The following HINT1 variants were observed in gnomAD, a reference collection of about 807,000 sequenced individuals.
The protein encoded by HINT1 is adenosine 5'-monophosphoramidase HINT1.
HINT1 carries 12 observed loss-of-function variants against 11.2 expected under a neutral mutation model. That is an observed-to-expected ratio of 1.07 (90% CI 0.69 to 1.74). The LOEUF (loss-of-function observed/expected upper bound fraction) is 1.74, where lower values mean the gene tolerates loss of function less well. Among genes scored for constraint, HINT1 ranks in the 40% most tolerant of loss-of-function variants. HINT1 has a pLI of 0.00. For missense variants in HINT1, 150 were observed against 161.8 expected, an observed-to-expected ratio of 0.93 and a Z score of 0.40; for synonymous variants, 42 against 52.6, an observed-to-expected ratio of 0.80 and a Z score of 0.87.
chr5:131,160,663 AT>A (rs1580683200), intron 2 of HINT1: 1 of 1,179,678 alleles, frequency 8.5e-7, no homozygotes, highest in East Asian at 6.0e-5. Context: ...TACCTTACTC[AT>A]GCAGTAAGGT....
intron 2 of HINT1, 152 bp from the exon 3 acceptor site, chr5:131,159,763 G>C (rs1291560727): frequency 1.5e-6 from 1 of 646,562 alleles, no homozygotes; most frequent in South Asian, 2.2e-5. Flanking sequence ...TCCCAACAGA[G>C]CATAATCTAC....
rs755963156 is a variant in HINT1 at position 131,159,444 on chromosome 5, T to C, written c.*3A>G. 2 of 1,610,264 alleles carry C rather than the reference T, an allele frequency of 1.2e-6. No homozygotes were observed. Among genetic ancestry groups the C allele is most frequent in the Admixed American group, 3.4e-5 (2 of 59,262 alleles). ...AGAAGAGAAAATTATCCCCAAAACG[T>C]GCTTAACCAGGAGGCCAATGCATTT... On this transcript the variant is annotated 3_prime_UTR_variant, in exon 3 of 3. Coordinates refer to ENST00000304043, the MANE Select transcript of HINT1 (RefSeq NM_005340.7).
chr5:131,162,788 T>C, intron 1 of HINT1, 112 bp from the exon 2 acceptor site: 1 of 667,052 alleles, frequency 1.5e-6, no homozygotes, highest in Non-Finnish European at 2.6e-6. Context: ...CACTAGATGC[T>C]AAGAAAACAG....
chr5:131,160,949 G>GT lies in HINT1; in HGVS notation c.217-1339dup, dbSNP rs1254277677. 7.6e-6 allele frequency: 3 copies of GT among 394,794 alleles called. No individual in the cohort carries two copies. In the Admixed American group the frequency reaches 8.7e-5, roughly 11 times the overall value. The allele number at this position is 394,794 out of a possible 1,614,324, so 24.5% of individuals were successfully genotyped here. ...AGACTAGGCTAGGCTATAATGTTCA[G>GT]TAAGTTAGGTGTCTTACACGCATTT... On this transcript the variant is annotated intron_variant, in intron 2 of 2. Transcript: ENST00000304043.
chr5:131,164,119 A>G (rs1427179732), intron 1 of HINT1, among the ~76,000 whole-genome samples: 1 of 152,190 alleles, frequency 6.6e-6, no homozygotes, highest in Non-Finnish European at 1.5e-5. Flanking sequence ...AACCGACATT[A>G]GTAGAATAAA....
intron 2 of HINT1, among the ~76,000 whole-genome samples, chr5:131,161,913 C>A (rs1755259090): frequency 6.6e-6 from 1 of 152,154 alleles, no homozygotes; most frequent in South Asian, 2.1e-4. Context: ...TCTTCCTCAG[C>A]CTACTCAACA....
chr5:131,163,421 C>T (rs1402837143), intron 1 of HINT1, among the ~76,000 whole-genome samples: 1 of 152,152 alleles, frequency 6.6e-6, no homozygotes, highest in Non-Finnish European at 1.5e-5. Context: ...CTCTCCCCCT[C>T]CAAACCCCAA....
Sources: gnomAD v4.1 joint callset for allele counts (sites outside exome capture counted in the v4.1 genomes callset) on GRCh38, gnomAD v4.1.1 for gene constraint, MANE v1.5 for transcripts, NCBI Gene and HGNC (gene_info 2026-07-23, HGNC 2026-07-21) for gene names.